Variants in MYO18B observed in about 807,000 individuals in gnomAD.
The protein encoded by MYO18B is unconventional myosin-XVIIIb.
MYO18B carries 204 observed loss-of-function variants against 273.0 expected under a neutral mutation model. The observed-to-expected ratio is 0.75, with a 90% confidence interval of 0.67 to 0.84. The LOEUF is 0.84. Ranked by LOEUF, MYO18B falls within the 40% of genes least tolerant of loss-of-function variation. The pLI, the probability that MYO18B is intolerant of heterozygous loss-of-function variation, is 0.00. For synonymous variants in MYO18B, 1,330 were observed against 1,305.7 expected (o/e 1.02, Z -0.40); for missense variants, 3,212 against 3,287.6 (o/e 0.98, Z 0.56).
At chr22:25,772,594 A>G in intron 7 of MYO18B, 84 bp downstream of exon 7, 1 of 1,331,092 alleles carries the variant, frequency 7.5e-7, no homozygotes, top group South Asian at 1.4e-5. Flanking sequence ...AGGTGACAGT[A>G]GAACCATCAG....
intron 39 of MYO18B, among the ~76,000 whole-genome samples, chr22:25,976,405 CA>C (rs1204514068): frequency 6.6e-6 from 1 of 151,974 alleles, no homozygotes; most frequent in African/African-American, 2.4e-5. Context: ...CTGTAGCTAC[CA>C]AAAAAGTCCA....
chr22:25,927,546 T>A (rs919220183), intron 34 of MYO18B, among the ~76,000 whole-genome samples: 5 of 152,194 alleles, frequency 3.3e-5, no homozygotes, highest in Non-Finnish European at 7.3e-5. Context: ...GAAACTTCAT[T>A]AGCAATTTTA....
chr22:25,747,914 T>C (rs1164133964), intron 1 of MYO18B, among the ~76,000 whole-genome samples: 1 of 152,146 alleles, frequency 6.6e-6, no homozygotes, highest in Non-Finnish European at 1.5e-5. Flanking sequence ...CCTGAGAGGT[T>C]TGACAACAGG....
intron 39 of MYO18B, among the ~76,000 whole-genome samples, chr22:25,972,744 G>A (rs762275247): frequency 7.9e-5 from 12 of 152,072 alleles, no homozygotes; most frequent in Non-Finnish European, 1.6e-4. Context: ...TCACCTGAGG[G>A]CAGGAGTTGG....
At position 26,027,475 on chromosome 22, in the gene MYO18B, G is replaced by T; in HGVS notation, c.7501G>T (p.Asp2501Tyr). 6.2e-7 allele frequency: 1 copy of T among 1,613,932 alleles called. No homozygotes were observed. Among genetic ancestry groups the T allele is most frequent in the Non-Finnish European group, 8.5e-7 (1 of 1,179,878 alleles). Residue 2501 changes from aspartate (D) to tyrosine (Y), a missense_variant, in exon 43 of 44, where the codon GAT becomes TAT. Transcript: ENST00000335473. This position sits in a 1 kb window ranked among gnomAD's most constrained non-coding sequence, Gnocchi z 4.1. ...ILKKSPEPKE[D>Y]PAHLSDSSSS... ...GAAGAAGAGCCCGGAGCCCAAGGAGGATCCCGCTCACCTGTCTGACTCGTC... is the reference window on the plus strand; with the variant it reads ...GAAGAAGAGCCCGGAGCCCAAGGAGTATCCCGCTCACCTGTCTGACTCGTC...
chr22:26,040,392 T>C, the MYO18B span, among the ~76,000 whole-genome samples: 8 of 152,226 alleles, frequency 5.3e-5, no homozygotes, highest in African/African-American at 1.7e-4. Flanking sequence ...TGTCAGGCTT[T>C]ATCTGGCACC....
intron 26 of MYO18B, 132 bp from the exon 27 acceptor site, chr22:25,891,172 G>A: frequency 1.3e-6 from 1 of 753,246 alleles, no homozygotes; most frequent in Non-Finnish European, 2.2e-6. Context: ...CTAGCCCATG[G>A]TCCTGGATTC....
chr22:25,780,118 A>G lies in MYO18B; in HGVS notation c.2131A>G (p.Ser711Gly). 1 of 1,603,742 alleles carries G rather than the reference A, an allele frequency of 6.2e-7. No individual in the cohort carries two copies. Among genetic ancestry groups the G allele is most frequent in the Non-Finnish European group, 8.5e-7 (1 of 1,176,054 alleles). The change falls in exon 9 of 44, where the codon AGC becomes GGC. Residue 711 changes from serine to glycine, a missense_variant. Transcript: ENST00000335473. ...RAFGSVSMAH[S>G]RSATRFSMVM... ...CTTCGGCTCTGTGTCCATGGCCCAC[A>G]GCCGCAGTGCCACCCGGTTCTCCAT...
At chr22:25,817,224 C>T (rs531835244) in intron 12 of MYO18B, among the ~76,000 whole-genome samples, 10 of 151,254 alleles carry the variant, frequency 6.6e-5, no homozygotes, top group African/African-American at 1.7e-4. Context: ...TTCTTTCTTT[C>T]GTTCTTTCTC....
intron 21 of MYO18B, among the ~76,000 whole-genome samples, chr22:25,859,333 A>G (rs1313729865): frequency 1.3e-5 from 2 of 152,226 alleles, no homozygotes; most frequent in Non-Finnish European, 2.9e-5. Flanking sequence ...GAACATTTGC[A>G]TATCAGTCTT....
In MYO18B at chr22:25,955,260, C is replaced by G. The variant is rs763836112; in HGVS notation, c.6052C>G (p.Arg2018Gly). 27 of 1,613,550 alleles carry G rather than the reference C, an allele frequency of 1.7e-5. No individual in the cohort carries two copies. In the African/African-American group the frequency reaches 3.1e-4, roughly 18 times the overall value. Residue 2018 changes from arginine (R) to glycine (G), a missense_variant, in exon 39 of 44, where the codon CGG (arginine) becomes GGG (glycine). Coordinates refer to ENST00000335473, the MANE Select transcript of MYO18B (RefSeq NM_032608.7). ...SQAATSESQQ[R>G]ESSQYYQRRL... ...GGCGGCCACCTCCGAGTCCCAGCAG[C>G]GGGAGAGCAGCCAGTACTACCAGCG...
the MYO18B span, among the ~76,000 whole-genome samples, chr22:26,044,890 A>T: frequency 1.3e-5 from 2 of 152,312 alleles, no homozygotes; most frequent in South Asian, 4.1e-4. Flanking sequence ...GAAGGTGCAG[A>T]GGCTGGAATA....
chr22:26,012,757 C>T (rs1359193627), intron 42 of MYO18B, among the ~76,000 whole-genome samples: 1 of 152,182 alleles, frequency 6.6e-6, no homozygotes, highest in Non-Finnish European at 1.5e-5. Flanking sequence ...TATTTGGATA[C>T]ATCGTTGATG....
rs367867010 is a variant in MYO18B at position 25,860,174 on chromosome 22, A to G, written c.3886-8146A>G. ...ATAAAGAGTTTATTTTCGTAATCTA[A>G]ATTCATTCTATTGGTCTGACTGTAC... is the stretch of plus-strand genomic sequence containing the variant. On this transcript the variant is annotated intron_variant, in intron 21 of 43. Transcript: ENST00000335473. Among the ~76,000 whole-genome samples, 263 of 152,292 alleles carry G rather than the reference A, an allele frequency of 1.7e-3. 12 individuals carry two copies. The South Asian group carries it at 0.053, about 31-fold the overall frequency.
Position 25,890,864 on chromosome 22 carries a change from C to CA in MYO18B, c.4424dup (p.Glu1476GlyfsTer7). On this transcript the variant is annotated frameshift_variant, in exon 26 of 44. Transcript: ENST00000335473. LOFTEE classifies it high-confidence loss of function. ...GCGGCTACAGGCCTTCCGGGAGGTCCAGGAGCTCAAGGTGAGTGGTCAGGG... is the reference window on the plus strand; with the variant it reads ...GCGGCTACAGGCCTTCCGGGAGGTCCAAGGAGCTCAAGGTGAGTGGTCAGGG... 1 of 1,613,596 alleles carries CA rather than the reference C, an allele frequency of 6.2e-7. No homozygotes were observed. Among genetic ancestry groups the CA allele is most frequent in the Non-Finnish European group, 8.5e-7 (1 of 1,179,808 alleles).
intron 34 of MYO18B, among the ~76,000 whole-genome samples, chr22:25,929,567 A>G (rs1489244491): frequency 6.6e-6 from 1 of 152,124 alleles, no homozygotes; most frequent in Admixed American, 6.5e-5. Flanking sequence ...TATTTGATTC[A>G]TGCTTCTGAC....
chr22:25,891,820 A>G (rs1200580437), intron 27 of MYO18B, among the ~76,000 whole-genome samples: 1 of 152,138 alleles, frequency 6.6e-6, no homozygotes, highest in Non-Finnish European at 1.5e-5. Context: ...TGAGCTCAGG[A>G]GTTCAAGACC....
At chr22:25,931,036 C>T (rs2092491534) in intron 34 of MYO18B, among the ~76,000 whole-genome samples, 1 of 152,146 alleles carries the variant, frequency 6.6e-6, no homozygotes, top group Non-Finnish European at 1.5e-5. Context: ...GGGAAGATGA[C>T]CCTGATGGGA....
At chr22:25,845,237 G>A (rs1173093336) in intron 18 of MYO18B, among the ~76,000 whole-genome samples, 1 of 152,180 alleles carries the variant, frequency 6.6e-6, no homozygotes, top group Non-Finnish European at 1.5e-5. Context: ...TGGCACCCTT[G>A]GCCGGGCGCG....
Sources: gnomAD v4.1 joint callset for allele counts (sites outside exome capture counted in the v4.1 genomes callset) on GRCh38, gnomAD v4.1.1 for gene constraint, Gnocchi (gnomAD v3.1) non-coding constraint, MANE v1.5 for transcripts, NCBI Gene and HGNC (gene_info 2026-07-23, HGNC 2026-07-21) for gene names.